ZNF528: variants seen among roughly 807,000 people sequenced by gnomAD.
The protein encoded by ZNF528 is zinc finger protein 528.
In ZNF528, 9 loss-of-function variants were observed where a neutral mutation model predicts 13.3. The observed-to-expected ratio is 0.67, with a 90% CI of 0.41 to 1.18. The LOEUF is 1.18. Among genes scored for constraint, ZNF528 ranks in the 50% most tolerant of loss-of-function variants. The pLI, the probability that ZNF528 is intolerant of heterozygous loss-of-function variation, is 0.01. For synonymous variants in ZNF528, 264 were observed against 254.3 expected (o/e 1.04, Z -0.36); for missense variants, 858 against 745.4 (o/e 1.15, Z -1.76).
At position 52,415,518 on chromosome 19, in the gene ZNF528, T is replaced by C. The variant is rs745669538; in HGVS notation, c.666T>C (p.Phe222=). The change falls in exon 7 of 7, where the codon TTT becomes TTC. Residue 222 remains phenylalanine, a synonymous_variant. Coordinates refer to ENST00000360465, the MANE Select transcript of ZNF528 (RefSeq NM_032423.3). The part of the protein sequence containing the change: ...PYKCSECGKV[F]SCSSKLVIHR... ...AATGCAGTGAATGTGGCAAGGTCTTTAGTTGCAGTTCAAAGCTTGTGATAC... is the reference window on the plus strand; with the variant it reads ...AATGCAGTGAATGTGGCAAGGTCTTCAGTTGCAGTTCAAAGCTTGTGATAC... 11 of 1,614,070 alleles carry C rather than the reference T, an allele frequency of 6.8e-6. No homozygotes were observed. The East Asian group carries it at 1.3e-4, about 20-fold the overall frequency.
Position 52,415,500 on chromosome 19 carries a change from T to C in ZNF528, c.648T>C (p.Ser216=). The C allele has an allele frequency of 1.2e-6, 2 of 1,614,206 alleles. No individual in the cohort carries two copies. The highest frequency in any genetic ancestry group is 1.7e-6 in the Non-Finnish European group (2 of 1,180,030). The part of the protein sequence containing the change: ...IHNADNPYKC[S]ECGKVFSCSS... ...ACGCAGATAATCCTTACAAATGCAG[T>C]GAATGTGGCAAGGTCTTTAGTTGCA... Residue 216 remains serine (S), a synonymous_variant, in exon 7 of 7, where the codon AGT becomes AGC. Transcript: ENST00000360465.
intron 6 of ZNF528, chr19:52,412,968 A>AT (rs1258003754): frequency 6.6e-6 from 1 of 152,184 alleles, no homozygotes; most frequent in East Asian, 1.9e-4. Context: ...GCCAGTGCAC[A>AT]TTTACAATCC....
At position 52,416,010 on chromosome 19, in the gene ZNF528, T is replaced by C. The variant is rs2058997940; in HGVS notation, c.1158T>C (p.Cys386=). Residue 386 remains cysteine (C), a synonymous_variant, in exon 7 of 7, where the codon TGT becomes TGC. Coordinates refer to ENST00000360465, the MANE Select transcript of ZNF528 (RefSeq NM_032423.3). ...GGAAACCTTACAAATGTAAAGAATG[T>C]GACAAGGTCTTTGGGCGCAAGTGTT... ...TGRKPYKCKE[C]DKVFGRKCFL... 6.2e-7 allele frequency: 1 copy of C among 1,614,042 alleles called. No individual in the cohort carries two copies.
At chr19:52,412,427 C>T (rs1195368151) in intron 6 of ZNF528, 1 of 152,212 alleles carries the variant, frequency 6.6e-6, no homozygotes, top group Non-Finnish European at 1.5e-5. Flanking sequence ...ATAGGTTTGT[C>T]TCCACCAACT....
chr19:52,414,469 G>T, intron 6 of ZNF528: 1 of 592,880 alleles, frequency 1.7e-6, no homozygotes, highest in Middle Eastern at 4.4e-4. Flanking sequence ...GATGGTGGCA[G>T]GGGGAGGGGG....
At chr19:52,409,015 C>T (rs750192447) in intron 6 of ZNF528, among the ~76,000 whole-genome samples, 3 of 152,086 alleles carry the variant, frequency 2.0e-5, no homozygotes, top group African/African-American at 2.4e-5. Flanking sequence ...GTCTAAAATT[C>T]GCCTTTATTT....
At position 52,415,718 on chromosome 19, in the gene ZNF528, G is replaced by T. The variant is rs1568431539; in HGVS notation, c.866G>T (p.Arg289Ile). Reference protein sequence around the residue: ...RSSSKLAQHQRIHTGEKPYKC... With the variant: ...RSSSKLAQHQIIHTGEKPYKC... Reference sequence around the variant, plus strand: ...AGTTCAAAGCTTGCACAACATCAAAGAATTCATACTGGAGAGAAGCCTTAC... The same window carrying T: ...AGTTCAAAGCTTGCACAACATCAAATAATTCATACTGGAGAGAAGCCTTAC... The change falls in exon 7 of 7, where the codon AGA (arginine) becomes ATA (isoleucine). Residue 289 changes from arginine (R) to isoleucine (I), a missense_variant. Transcript: ENST00000360465. 9.9e-6 allele frequency: 16 copies of T among 1,613,726 alleles called. 1 individual carries two copies. Among genetic ancestry groups the T allele is most frequent in the South Asian group, 4.4e-5 (4 of 90,972 alleles).
chr19:52,413,597 G>A (rs935236739), intron 6 of ZNF528: 1 of 152,334 alleles, frequency 6.6e-6, no homozygotes, highest in Non-Finnish European at 1.5e-5. Context: ...TGGCAGCAGA[G>A]TGTAACATTC....
At chr19:52,410,576 G>C (rs1328972104) in intron 6 of ZNF528, among the ~76,000 whole-genome samples, 1 of 152,204 alleles carries the variant, frequency 6.6e-6, no homozygotes, top group African/African-American at 2.4e-5. Context: ...GGAACGCTGA[G>C]TTGGTCATGT....
intron 6 of ZNF528, among the ~76,000 whole-genome samples, chr19:52,410,088 C>T (rs1272156931): frequency 6.6e-6 from 1 of 152,300 alleles, no homozygotes; most frequent in Middle Eastern, 3.4e-3. Flanking sequence ...CAGGCATGAG[C>T]CACTGCACTG....
At chr19:52,401,896 G>A in intron 3 of ZNF528, 51 bp from the exon 4 acceptor site, 5 of 1,583,826 alleles carry the variant, frequency 3.2e-6, no homozygotes, top group Non-Finnish European at 4.3e-6. Flanking sequence ...TATGGCACAG[G>A]AAGGAGGTAT....
intron 4 of ZNF528, among the ~76,000 whole-genome samples, chr19:52,403,024 A>C (rs1225586827): frequency 2.0e-5 from 3 of 152,188 alleles, no homozygotes; most frequent in Non-Finnish European, 2.9e-5. Flanking sequence ...TATGTTTTTG[A>C]ATATGGATAT....
intron 6 of ZNF528, among the ~76,000 whole-genome samples, chr19:52,408,815 C>T (rs2058892523): frequency 6.6e-6 from 1 of 152,194 alleles, no homozygotes. Flanking sequence ...GATCCACCCA[C>T]CTCAGCCTCC....
chr19:52,400,729 T>C (rs1364062116), intron 2 of ZNF528, among the ~76,000 whole-genome samples: 2 of 152,078 alleles, frequency 1.3e-5, no homozygotes, highest in Middle Eastern at 3.4e-3. Flanking sequence ...TCTCACTACA[T>C]TGCCCAGGCT....
intron 4 of ZNF528, among the ~76,000 whole-genome samples, chr19:52,403,335 A>G (rs2058816587): frequency 6.6e-6 from 1 of 152,162 alleles, no homozygotes; most frequent in Admixed American, 6.5e-5. Context: ...GTGTCTAAAA[A>G]TTGCGAACCA....
At chr19:52,414,076 A>G in intron 6 of ZNF528, 1 of 614,740 alleles carries the variant, frequency 1.6e-6, no homozygotes, top group Non-Finnish European at 2.9e-6. Context: ...CTGATTCAGA[A>G]AACTTCCCGT....
chr19:52,400,430 C>T (rs911002422), intron 2 of ZNF528, among the ~76,000 whole-genome samples: 1 of 152,152 alleles, frequency 6.6e-6, no homozygotes, highest in Non-Finnish European at 1.5e-5. Flanking sequence ...TGCTTGACCC[C>T]ATCCAATCAG....
chr19:52,410,772 T>C (rs1391410724), intron 6 of ZNF528, among the ~76,000 whole-genome samples: 1 of 152,226 alleles, frequency 6.6e-6, no homozygotes, highest in Non-Finnish European at 1.5e-5. Context: ...CTCTATAAGC[T>C]ATAATTCCTC....
intron 2 of ZNF528, 78 bp downstream of exon 2, chr19:52,398,697 A>G (rs2058756755): frequency 1.2e-6 from 1 of 802,620 alleles, no homozygotes; most frequent in Non-Finnish European, 1.5e-6. Flanking sequence ...CTGTAAAAAT[A>G]TAGACAAACC....
Sources: gnomAD v4.1 joint callset for allele counts (sites outside exome capture counted in the v4.1 genomes callset) on GRCh38, gnomAD v4.1.1 for gene constraint, MANE v1.5 for transcripts, NCBI Gene and HGNC (gene_info 2026-07-23, HGNC 2026-07-21) for gene names.